Variants in IFT57 observed in about 807,000 individuals in gnomAD.
The protein encoded by IFT57 is intraflagellar transport 57, also known as intraflagellar transport protein 57 homolog.
A neutral mutation model predicts 56.8 loss-of-function variants in IFT57; 59 were observed. That is an observed-to-expected ratio of 1.04 (90% CI 0.84 to 1.29). The LOEUF (loss-of-function observed/expected upper bound fraction) is 1.29. Among genes scored for constraint, IFT57 ranks in the 50% most tolerant of loss-of-function variants. The pLI is 0.00. For missense variants in IFT57, 470 were observed against 522.1 expected (o/e 0.90, Z 0.97); for synonymous variants, 209 against 186.1 (o/e 1.12, Z -1.00).
At chr3:108,163,884 G>A (rs964451281) in intron 9 of IFT57, among the ~76,000 whole-genome samples, 155 bp from the exon 10 acceptor site, 4 of 151,940 alleles carry the variant, frequency 2.6e-5, no homozygotes, top group African/African-American at 9.7e-5. Flanking sequence ...ATAATATAAA[G>A]TATGCAGATA....
At chr3:108,185,668 C>G (rs912850416) in intron 6 of IFT57, among the ~76,000 whole-genome samples, 3 of 148,870 alleles carry the variant, frequency 2.0e-5, no homozygotes, top group Admixed American at 6.8e-5. Flanking sequence ...TAGCGATTCT[C>G]CTGCCAGCAC....
chr3:108,191,586 C>T lies in IFT57; in HGVS notation c.712G>A (p.Glu238Lys), dbSNP rs142978591. ...DILESTTDAA[E>K]WSLEVERVLP... ...ACACGTTCCACTTCTAGGCTCCATT[C>T]TGCAGCATCTGTTGTGGATTCCAAA... The change falls in exon 6 of 11, where the codon GAA becomes AAA. Residue 238 changes from glutamate to lysine, a missense_variant. Glu to Lys is a moderately conservative substitution (Grantham distance 56). Coordinates refer to ENST00000264538, the MANE Select transcript of IFT57 (RefSeq NM_018010.4). The T allele has an allele frequency of 6.2e-7, 1 of 1,609,292 alleles. No individual in the cohort carries two copies. Among genetic ancestry groups the T allele is most frequent in the African/African-American group, 1.3e-5 (1 of 74,706 alleles).
rs781565890 is a variant in IFT57 at position 108,218,530 on chromosome 3, T to G, written c.494+5A>C. ...ATTACTATCATCAGGGTGGGTAATT[T>G]TTACCTTTTCCAGGTGAAACCAATA... On this transcript the variant is annotated splice_donor_5th_base_variant and intron_variant, in intron 3 of 10. Transcript: ENST00000264538. 1.1e-5 allele frequency: 16 copies of G among 1,444,778 alleles called. No individual in the cohort carries two copies. In the Admixed American group the frequency reaches 3.5e-4, roughly 31 times the overall value. The allele number at this position is 1,444,778 out of a possible 1,614,324, so 89.5% of individuals were successfully genotyped here.
intron 3 of IFT57, 86 bp downstream of exon 3, chr3:108,218,449 T>C: frequency 1.8e-6 from 1 of 545,686 alleles, no homozygotes. Flanking sequence ...AGAATAATTC[T>C]TTTATGTTCA....
rs1226581113 is a variant in IFT57, at chr3:108,162,596, C to A, written c.1171G>T (p.Asp391Tyr). 1 of 1,612,738 alleles carries A rather than the reference C, an allele frequency of 6.2e-7. No individual in the cohort carries two copies. Among genetic ancestry groups the A allele is most frequent in the East Asian group, 2.2e-5 (1 of 44,840 alleles). ...TKLKQETVEM[D>Y]IRIGIVEHTL... ...TGTTCCACAATGCCAATTCTAATGT[C>A]CATCTCTACAGTTTCTTGCTTCAGT... is the stretch of plus-strand genomic sequence containing the variant. Residue 391 changes from aspartate to tyrosine, a missense_variant, in exon 11 of 11, where the codon GAC becomes TAC. By Grantham distance (160) the Asp-to-Tyr change is radical. Coordinates refer to ENST00000264538, the MANE Select transcript of IFT57 (RefSeq NM_018010.4).
At chr3:108,182,191 C>A (rs926683627) in intron 6 of IFT57, among the ~76,000 whole-genome samples, 1 of 151,904 alleles carries the variant, frequency 6.6e-6, no homozygotes, top group Non-Finnish European at 1.5e-5. Context: ...TTTATTAATA[C>A]CCACTTATAC....
chr3:108,183,335 T>G (rs1421007872), intron 6 of IFT57, among the ~76,000 whole-genome samples: 1 of 152,090 alleles, frequency 6.6e-6, no homozygotes, highest in Non-Finnish European at 1.5e-5. Context: ...AATATATAAC[T>G]CTGACCCACA....
intron 6 of IFT57, among the ~76,000 whole-genome samples, chr3:108,170,061 T>C (rs1348208142): frequency 1.3e-5 from 2 of 152,022 alleles, no homozygotes; most frequent in African/African-American, 4.8e-5. Context: ...GGGCAAAAGC[T>C]GGAAGCATTC....
intron 4 of IFT57, among the ~76,000 whole-genome samples, chr3:108,213,131 A>ACAAAATATGTGTTAACT (rs564716377): frequency 7.7e-4 from 117 of 152,264 alleles, no homozygotes; most frequent in South Asian, 1.9e-3. Flanking sequence ...TAATACATAG[A>ACAAAATATGTGTTAACT]CAAAATATGT....
rs1257583383 is a variant in IFT57, at chr3:108,173,806, GTGTA to G, written c.778-5946_778-5943del. ...TGTGTGTGTGTGTGTGTGTGTGTGT[GTGTA>G]TATAATATAGTATATTATATACAGT... On this transcript the variant is annotated intron_variant, in intron 6 of 10. Coordinates refer to ENST00000264538, the MANE Select transcript of IFT57 (RefSeq NM_018010.4). Among the ~76,000 whole-genome samples the G allele has an allele frequency of 2.9e-3, 291 of 101,214 alleles. 1 individual carries two copies. Among genetic ancestry groups the G allele is most frequent in the African/African-American group, 6.8e-3 (202 of 29,906 alleles). The allele number at this position is 101,214 out of a possible 152,430, so 66.4% of individuals were successfully genotyped here.
intron 5 of IFT57, among the ~76,000 whole-genome samples, chr3:108,204,207 G>A (rs1419888156): frequency 2.0e-5 from 3 of 152,136 alleles, no homozygotes; most frequent in Non-Finnish European, 4.4e-5. Flanking sequence ...ATATGAAAGG[G>A]TTTTCTGCCT....
chr3:108,204,204 AG>A (rs1461865189), intron 5 of IFT57, among the ~76,000 whole-genome samples: 1 of 152,174 alleles, frequency 6.6e-6, no homozygotes, highest in Admixed American at 6.5e-5. Context: ...AAAATATGAA[AG>A]GGTTTTCTGC....
At position 108,213,918 on chromosome 3, in the gene IFT57, G is replaced by A; in HGVS notation, c.585+13C>T. 1 of 1,531,644 alleles carries A rather than the reference G, an allele frequency of 6.5e-7. No individual in the cohort carries two copies. Among genetic ancestry groups the A allele is most frequent in the South Asian group, 1.1e-5 (1 of 88,828 alleles). The allele number at this position is 1,531,644 out of a possible 1,614,324, so 94.9% of individuals were successfully genotyped here. On this transcript the variant is annotated intron_variant, in intron 4 of 10. Coordinates refer to ENST00000264538, the MANE Select transcript of IFT57 (RefSeq NM_018010.4). Reference sequence around the variant, plus strand: ...AAGGTGAAAATGAACAGAAAGTTCAGCTACACACATACCACAAATTCTTCA... The same window carrying A: ...AAGGTGAAAATGAACAGAAAGTTCAACTACACACATACCACAAATTCTTCA...
At chr3:108,211,150 G>A (rs2080340716) in intron 4 of IFT57, among the ~76,000 whole-genome samples, 1 of 152,210 alleles carries the variant, frequency 6.6e-6, no homozygotes, top group Admixed American at 6.5e-5. Context: ...TGCGCTTGCA[G>A]ATATTTTCCT....
intron 4 of IFT57, among the ~76,000 whole-genome samples, chr3:108,209,109 C>T (rs2080329279): frequency 6.6e-6 from 1 of 152,128 alleles, no homozygotes; most frequent in South Asian, 2.1e-4. Context: ...AAACTACAAG[C>T]ATGTGACCAG....
At position 108,191,634 on chromosome 3, in the gene IFT57, C is replaced by T. The variant is rs753930289; in HGVS notation, c.664G>A (p.Glu222Lys). Reference sequence around the variant, plus strand: ...AAAATATCTTCTTGTTTGGCAGTCTCGTTCATATCCTAAGAAAGGAAAGAT... The same window carrying T: ...AAAATATCTTCTTGTTTGGCAGTCTTGTTCATATCCTAAGAAAGGAAAGAT... ...KAQTYHLDMN[E>K]TAKQEDILES... is the part of the protein sequence containing the mutation. Residue 222 changes from glutamate to lysine, a missense_variant, in exon 6 of 11, where the codon GAG (glutamate) becomes AAG (lysine). Transcript: ENST00000264538. The T allele has an allele frequency of 3.5e-5, 56 of 1,595,766 alleles. No individual in the cohort carries two copies. Among genetic ancestry groups the T allele is most frequent in the Middle Eastern group, 1.7e-4 (1 of 6,014 alleles).
At position 108,196,374 on chromosome 3, in the gene IFT57, A is replaced by T. The variant is rs573307341; in HGVS notation, c.655-4731T>A. ...TACCACTTTCTTCAGGCCTGGATGTAGGATTGTTCAAGTTGTGAATAACAT... is the reference window on the plus strand; with the variant it reads ...TACCACTTTCTTCAGGCCTGGATGTTGGATTGTTCAAGTTGTGAATAACAT... On this transcript the variant is annotated intron_variant, in intron 5 of 10. Transcript: ENST00000264538. Among the ~76,000 whole-genome samples the T allele has an allele frequency of 1.2e-4, 19 of 152,232 alleles. No homozygotes were observed. The South Asian group carries it at 3.9e-3, about 32-fold the overall frequency.
chr3:108,219,628 T>C (rs534447440), intron 1 of IFT57, 56 bp from the exon 2 acceptor site: 35 of 1,533,390 alleles, frequency 2.3e-5, no homozygotes, highest in Non-Finnish European at 3.1e-5. Flanking sequence ...AATAAGTCTA[T>C]AATAACTAAT....
chr3:108,179,788 T>G (rs1337359395), intron 6 of IFT57, among the ~76,000 whole-genome samples: 1 of 152,050 alleles, frequency 6.6e-6, no homozygotes, highest in Admixed American at 6.6e-5. Flanking sequence ...TCCTAAATTT[T>G]TAAATCTGAC....
Sources: allele counts gnomAD v4.1 joint callset (sites outside exome capture counted in the v4.1 genomes callset), GRCh38; gene constraint gnomAD v4.1.1; transcripts MANE v1.5; gene names NCBI Gene and HGNC (gene_info 2026-07-23, HGNC 2026-07-21).